ERN2: variants seen among roughly 807,000 people sequenced by gnomAD.
The protein encoded by ERN2 is endoplasmic reticulum to nucleus signaling 2.
A neutral mutation model predicts 107.9 loss-of-function variants in ERN2; 111 were observed. That is an observed-to-expected ratio of 1.03 (90% CI 0.88 to 1.20). ERN2 has a LOEUF of 1.20. Among genes scored for constraint, ERN2 ranks in the 50% most tolerant of loss-of-function variants. ERN2 has a pLI of 0.00. For synonymous variants in ERN2, 524 were observed against 501.7 expected, an observed-to-expected ratio of 1.04 and a Z score of -0.59; for missense variants, 1,225 against 1,197.9, an observed-to-expected ratio of 1.02 and a Z score of -0.33.
In ERN2 at chr16:23,691,326, G is replaced by A. The variant is rs2141003212; in HGVS notation, c.2476C>T (p.His826Tyr). ...CCTGTCTGCAGCGGCATGGAGATGT[G>A]CTCGTGCCAGTTGTCCCGGACCACT... ...CAVVRDNWHE[H>Y]ISMPLQTDLR... The change falls in exon 20 of 22, where the codon CAC becomes TAC. Residue 826 changes from histidine to tyrosine, a missense_variant. By Grantham distance (83) the His-to-Tyr change is moderately conservative (BLOSUM62 2). Transcript: ENST00000256797. 6.2e-7 allele frequency: 1 copy of A among 1,609,292 alleles called. No individual in the cohort carries two copies. Among genetic ancestry groups the A allele is most frequent in the Non-Finnish European group, 8.5e-7 (1 of 1,179,996 alleles).
At chr16:23,712,850 G>A in intron 1 of ERN2, 1 of 492,386 alleles carries the variant, frequency 2.0e-6, no homozygotes, top group East Asian at 3.6e-5. Flanking sequence ...AAGAGGCGGG[G>A]TGCTCTGTCT....
chr16:23,712,059 C>A, intron 1 of ERN2: 2 of 453,556 alleles, frequency 4.4e-6, no homozygotes, highest in Non-Finnish European at 8.9e-6. Flanking sequence ...GCCTAACATC[C>A]GGGTGGCCCA....
At chr16:23,694,321 G>A (rs541235096) in intron 17 of ERN2, among the ~76,000 whole-genome samples, 8 of 152,270 alleles carry the variant, frequency 5.3e-5, no homozygotes, top group African/African-American at 9.6e-5. Flanking sequence ...TTTAAGTTGC[G>A]CAGTGGTTGT....
At position 23,691,052 on chromosome 16, in the gene ERN2, A is replaced by G. The variant is rs1959570496; in HGVS notation, c.2569-9T>C. ...TCCCTGTAGTGGTGCTTCTGTGGGT[A>G]GGTAGAGCAGAGAACCCTGGCTCAG... On this transcript the variant is annotated splice_polypyrimidine_tract_variant and intron_variant, in intron 21 of 21. Coordinates refer to ENST00000256797, the MANE Select transcript of ERN2 (RefSeq NM_033266.4). 6.2e-7 allele frequency: 1 copy of G among 1,613,994 alleles called. No individual in the cohort carries two copies. The highest frequency in any genetic ancestry group is 8.5e-7 in the Non-Finnish European group (1 of 1,179,982).
intron 4 of ERN2, among the ~76,000 whole-genome samples, chr16:23,708,390 T>C (rs1960410281): frequency 7.9e-6 from 1 of 127,148 alleles, no homozygotes. Context: ...ATGGTATCAC[T>C]CTGTTGTCCA....
At chr16:23,698,462 G>C (rs1379221751) in intron 13 of ERN2, among the ~76,000 whole-genome samples, 1 of 152,198 alleles carries the variant, frequency 6.6e-6, no homozygotes, top group African/African-American at 2.4e-5. Flanking sequence ...GTTATCCCTG[G>C]TTCAGGCTGG....
At position 23,694,923 on chromosome 16, in the gene ERN2, G is replaced by A. The variant is rs1384757661; in HGVS notation, c.1905C>T (p.His635=). The change falls in exon 17 of 22, where the codon CAC becomes CAT. Residue 635 remains histidine, a synonymous_variant. Transcript: ENST00000256797. ...GAATATTTCCTGGCTTCAGGTCCCG[G>A]TGCACTGTGGGAGAGGGGCAGAAAG... ...LAHLHSLHIV[H]RDLKPGNILI... 1 of 1,614,202 alleles carries A rather than the reference G, an allele frequency of 6.2e-7. No individual in the cohort carries two copies. The highest frequency in any genetic ancestry group is 1.1e-5 in the South Asian group (1 of 91,082).
chr16:23,713,081 TC>T lies in ERN2; in HGVS notation c.93+13del. On this transcript the variant is annotated intron_variant, in intron 1 of 21. Transcript: ENST00000256797. ...CCAGACTTTGGGGACTTGGCGTCGGTCCCTGGCTCTCACCTGTGGACTCAGC... is the reference window on the plus strand; with the variant it reads ...CCAGACTTTGGGGACTTGGCGTCGGTCCTGGCTCTCACCTGTGGACTCAGC... 2 of 1,540,072 alleles carry T rather than the reference TC, an allele frequency of 1.3e-6. No individual in the cohort carries two copies. Among genetic ancestry groups the T allele is most frequent in the Non-Finnish European group, 8.7e-7 (1 of 1,149,572 alleles).
rs2141006688 is a variant in ERN2 at position 23,695,275 on chromosome 16, G to T, written c.1725C>A (p.Leu575=). The change falls in exon 15 of 22, where the codon CTC becomes CTA. Residue 575 remains leucine (L), a synonymous_variant. Transcript: ENST00000256797. ...LQESDRHPNV[L]RYFCTERGPQ... is the part of the protein sequence containing the mutation. ...GTCCCCGCTCGGTGCAGAAGTAGCG[G>T]AGCACGTTGGGGTGCCTGTCAGACT... The T allele has an allele frequency of 6.2e-7, 1 of 1,614,106 alleles. No homozygotes were observed. The highest frequency in any genetic ancestry group is 1.1e-5 in the South Asian group (1 of 91,084).
chr16:23,708,105 G>T (rs74857934), intron 4 of ERN2, among the ~76,000 whole-genome samples: 74 of 152,250 alleles, frequency 4.9e-4, no homozygotes, highest in African/African-American at 1.7e-3. Flanking sequence ...AGGTCCCATC[G>T]GGTGGTGCTC....
chr16:23,695,862 T>C (rs373146046), intron 14 of ERN2, 32 bp downstream of exon 14: 26 of 1,572,470 alleles, frequency 1.7e-5, no homozygotes, highest in Non-Finnish European at 2.2e-5. Flanking sequence ...GTGAGTGCCA[T>C]GTCCCCAGCT....
chr16:23,694,655 G>A, intron 17 of ERN2, 73 bp downstream of exon 17: 1 of 1,293,026 alleles, frequency 7.7e-7, no homozygotes, highest in South Asian at 1.4e-5. Context: ...CCTCAGGAGG[G>A]GAACTGGGAC....
intron 7 of ERN2, chr16:23,706,101 T>G: frequency 2.2e-6 from 1 of 461,958 alleles, no homozygotes; most frequent in Non-Finnish European, 3.8e-6. Flanking sequence ...CCACTTGGAG[T>G]ATAGAAGAGT....
At chr16:23,703,819 C>T (rs1597152651) in intron 8 of ERN2, among the ~76,000 whole-genome samples, 1 of 152,082 alleles carries the variant, frequency 6.6e-6, no homozygotes, top group East Asian at 1.9e-4. Context: ...ATGTTCCTTC[C>T]TCTAGGAAGC....
chr16:23,701,331 A>C (rs1960056430), intron 11 of ERN2, among the ~76,000 whole-genome samples: 1 of 152,218 alleles, frequency 6.6e-6, no homozygotes, highest in Non-Finnish European at 1.5e-5. Flanking sequence ...ATGGGATGTC[A>C]CTAAAAAATA....
rs142717853 is a variant in ERN2, at chr16:23,695,072, A to G, written c.1847T>C (p.Val616Ala). ...DLDRGGLEPE[V>A]VLQQLMSGLA... is the part of the protein sequence containing the mutation. The stretch of plus-strand genomic sequence containing the variant: ...GCCAGACATCAGCTGCTGCAGCACG[A>G]CCTCGGGCTCCAGACCCCCGCGATC... The change falls in exon 16 of 22, where the codon GTC becomes GCC. Residue 616 changes from valine to alanine, a missense_variant. Physicochemically the swap from Val to Ala is moderately conservative, Grantham distance 64 (BLOSUM62 0). Transcript: ENST00000256797. The G allele has an allele frequency of 1.9e-6, 3 of 1,613,696 alleles. No homozygotes were observed. Among genetic ancestry groups the G allele is most frequent in the Non-Finnish European group, 2.5e-6 (3 of 1,179,878 alleles).
intron 11 of ERN2, among the ~76,000 whole-genome samples, 173 bp from the exon 12 acceptor site, chr16:23,701,287 C>T (rs552431522): frequency 6.6e-5 from 10 of 152,314 alleles, no homozygotes; most frequent in Middle Eastern, 3.4e-3. Flanking sequence ...CCCAGAAGAA[C>T]GGTTTTCTAA....
At chr16:23,703,061 A>G (rs1419890734) in intron 8 of ERN2, among the ~76,000 whole-genome samples, 1 of 151,976 alleles carries the variant, frequency 6.6e-6, no homozygotes, top group African/African-American at 2.4e-5. Flanking sequence ...CCAAGCCATG[A>G]GCAGACTGCA....
At chr16:23,706,625 C>A (rs1172188788) in intron 6 of ERN2, 129 bp downstream of exon 6, 7 of 776,402 alleles carry the variant, frequency 9.0e-6, no homozygotes, top group Middle Eastern at 2.4e-4. Context: ...GTTCAGTGCT[C>A]TGTAGAATGT....
Sources: allele counts gnomAD v4.1 joint callset (sites outside exome capture counted in the v4.1 genomes callset), GRCh38; gene constraint gnomAD v4.1.1; transcripts MANE v1.5; gene names NCBI Gene and HGNC (gene_info 2026-07-23, HGNC 2026-07-21).